ADGRL3: variants seen among roughly 807,000 people sequenced by gnomAD.
ADGRL3 encodes the protein adhesion G protein-coupled receptor L3.
ADGRL3 carries 62 observed loss-of-function variants against 153.5 expected under a neutral mutation model. The ratio of observed to expected loss-of-function variants is 0.40; its 90% CI spans 0.33 to 0.50. The LOEUF (loss-of-function observed/expected upper bound fraction) is 0.50. ADGRL3 is among the 20% of genes least tolerant of loss of function. ADGRL3 has a pLI of 0.47. For missense variants in ADGRL3, 1,641 were observed against 1,859.4 expected (o/e 0.88, Z 2.16); for synonymous variants, 710 against 672.5 (o/e 1.06, Z -0.86).
At chr4:61,432,648 T>C (rs1200072024) in intron 2 of ADGRL3, among the ~76,000 whole-genome samples, 433 of 41,596 alleles carry the variant, frequency 0.01, 78 homozygotes, top group Non-Finnish European at 0.022. Flanking sequence ...CTTTCTTTCT[T>C]TCTTTCTTTT....
chr4:61,892,759 A>G lies in ADGRL3; in HGVS notation c.1584A>G (p.Ser528=). Residue 528 remains serine (S), a synonymous_variant, in exon 10 of 27, where the codon TCA becomes TCG. Transcript: ENST00000683033. ...GAAGGAGTACCACCCCGTCAGTGTC[A>G]GGAAGAAGAAACCGGAGTACTAGTA... The part of the protein sequence containing the change: ...SPGRSTTPSV[S]GRRNRSTSTP... 6.2e-7 allele frequency: 1 copy of G among 1,613,916 alleles called. No individual in the cohort carries two copies. The highest frequency in any genetic ancestry group is 8.5e-7 in the Non-Finnish European group (1 of 1,179,840).
intron 2 of ADGRL3, among the ~76,000 whole-genome samples, chr4:61,489,879 A>T (rs1349161906): frequency 6.6e-6 from 1 of 152,070 alleles, no homozygotes; most frequent in African/African-American, 2.4e-5. Context: ...TTAAAAGACA[A>T]TACTTGGAGT....
At chr4:61,607,186 A>G (rs1302239940) in intron 5 of ADGRL3, among the ~76,000 whole-genome samples, 2 of 151,956 alleles carry the variant, frequency 1.3e-5, no homozygotes, top group Admixed American at 6.6e-5. Context: ...TGTGGAAAAC[A>G]CTCCCAGTGT....
At chr4:61,878,571 TGAA>T (rs1259278668) in intron 9 of ADGRL3, among the ~76,000 whole-genome samples, 1 of 152,204 alleles carries the variant, frequency 6.6e-6, no homozygotes, top group Non-Finnish European at 1.5e-5. Context: ...AGTCAAAAGA[TGAA>T]GTAGGGTGAT....
At chr4:61,247,564 C>T (rs1160199316) in intron 1 of ADGRL3, among the ~76,000 whole-genome samples, 1 of 151,986 alleles carries the variant, frequency 6.6e-6, no homozygotes, top group Admixed American at 6.6e-5. Context: ...GCCCATCTCT[C>T]CTCACCCCGA....
At chr4:61,888,693 C>T (rs1037551364) in intron 9 of ADGRL3, among the ~76,000 whole-genome samples, 4 of 152,156 alleles carry the variant, frequency 2.6e-5, no homozygotes, top group Admixed American at 6.5e-5. Flanking sequence ...GTAGACATCT[C>T]TCTGTGGCAC....
intron 26 of ADGRL3, among the ~76,000 whole-genome samples, chr4:62,069,469 G>A (rs1744711019): frequency 6.6e-6 from 1 of 151,878 alleles, no homozygotes; most frequent in African/African-American, 2.4e-5. Context: ...TTCTTTTGAT[G>A]TGCCATTTAT....
chr4:61,780,738 T>C (rs555481274), intron 8 of ADGRL3, among the ~76,000 whole-genome samples: 1 of 152,272 alleles, frequency 6.6e-6, no homozygotes, highest in South Asian at 2.1e-4. Flanking sequence ...ACTGTGTTAA[T>C]TTATTCTGCC....
At chr4:61,958,170 G>A (rs1468615274) in intron 17 of ADGRL3, among the ~76,000 whole-genome samples, 1 of 151,956 alleles carries the variant, frequency 6.6e-6, no homozygotes, top group African/African-American at 2.4e-5. Context: ...CTCCTATTAG[G>A]GAATGTCTTT....
chr4:61,292,738 G>A (rs971490863), intron 1 of ADGRL3, among the ~76,000 whole-genome samples: 2 of 152,086 alleles, frequency 1.3e-5, no homozygotes, highest in Non-Finnish European at 2.9e-5. Flanking sequence ...AAGCTGGAAG[G>A]CAGGAAATAA....
intron 6 of ADGRL3, among the ~76,000 whole-genome samples, chr4:61,689,877 C>A (rs1338733822): frequency 6.6e-6 from 1 of 152,094 alleles, no homozygotes; most frequent in Non-Finnish European, 1.5e-5. Flanking sequence ...TCTCAAACTT[C>A]ATGGTGTTTC....
At chr4:61,559,413 T>C (rs2098784419) in intron 4 of ADGRL3, among the ~76,000 whole-genome samples, 1 of 152,120 alleles carries the variant, frequency 6.6e-6, no homozygotes, top group Admixed American at 6.6e-5. Context: ...TGCTTTTGTT[T>C]ATGGCCTGAC....
chr4:61,253,147 A>C (rs1365689486), intron 1 of ADGRL3, among the ~76,000 whole-genome samples: 1 of 152,186 alleles, frequency 6.6e-6, no homozygotes, highest in Non-Finnish European at 1.5e-5. Flanking sequence ...TGTTTGCCTA[A>C]AGATGATTTA....
intron 1 of ADGRL3, among the ~76,000 whole-genome samples, chr4:61,210,825 G>A (rs1739648021): frequency 6.6e-6 from 1 of 152,096 alleles, no homozygotes; most frequent in African/African-American, 2.4e-5. Flanking sequence ...GTTAACACAA[G>A]GCATGTGTGT....
chr4:61,691,549 C>T (rs1219230147), intron 6 of ADGRL3, among the ~76,000 whole-genome samples: 2 of 152,168 alleles, frequency 1.3e-5, no homozygotes, highest in African/African-American at 4.8e-5. Context: ...ACCCTTACCT[C>T]ATGGTTACTT....
intron 4 of ADGRL3, among the ~76,000 whole-genome samples, chr4:61,577,843 C>T (rs948891073): frequency 6.6e-6 from 1 of 150,728 alleles, no homozygotes; most frequent in African/African-American, 2.4e-5. Flanking sequence ...AGGGTAATGA[C>T]CAAATTTGAC....
intron 17 of ADGRL3, among the ~76,000 whole-genome samples, chr4:61,969,539 A>C (rs2099019271): frequency 6.6e-6 from 1 of 151,770 alleles, no homozygotes; most frequent in Non-Finnish European, 1.5e-5. Flanking sequence ...TTGTCATGTT[A>C]GCTTTGGTAT....
rs1349307974 is a variant in ADGRL3 at position 62,012,047 on chromosome 4, TGACCAAA to T, written c.3395+13783_3395+13789del. Among the ~76,000 whole-genome samples, 3 of 152,226 alleles carry T rather than the reference TGACCAAA, an allele frequency of 2.0e-5. No homozygotes were observed. In the East Asian group the frequency reaches 5.8e-4, roughly 29 times the overall value. On this transcript the variant is annotated intron_variant, in intron 21 of 26. Coordinates refer to ENST00000683033, the MANE Select transcript of ADGRL3 (RefSeq NM_001387552.1). ...AATATATATAATTTTATGTGAAAAT[TGACCAAA>T]ATTTGCTGACTTAAAAAATTTGTTG...
chr4:61,288,943 T>A (rs2094056227), intron 1 of ADGRL3, among the ~76,000 whole-genome samples: 1 of 152,012 alleles, frequency 6.6e-6, no homozygotes, highest in African/African-American at 2.4e-5. Flanking sequence ...ACCAGGGCAC[T>A]AATCGTTCAG....
Sources: gnomAD v4.1 joint callset for allele counts (sites outside exome capture counted in the v4.1 genomes callset) on GRCh38, gnomAD v4.1.1 for gene constraint, MANE v1.5 for transcripts, NCBI Gene and HGNC (gene_info 2026-07-23, HGNC 2026-07-21) for gene names.